The following DISC1 variants were observed in gnomAD, a reference collection of about 807,000 sequenced individuals.
DISC1 encodes the protein DISC1 scaffold protein.
A neutral mutation model predicts 84.5 loss-of-function variants in DISC1; 57 were observed. That is an observed-to-expected ratio of 0.67 (90% confidence interval 0.55 to 0.84). The LOEUF (loss-of-function observed/expected upper bound fraction) is 0.84, where lower values mean the gene tolerates loss of function less well. Among genes scored for constraint, DISC1 ranks in the 40% least tolerant of loss-of-function variants. The pLI, the probability that DISC1 is intolerant of heterozygous loss-of-function variation, is 0.00. For missense variants in DISC1, 1,000 were observed against 1,057.8 expected, an observed-to-expected ratio of 0.95 and a Z score of 0.76; for synonymous variants, 411 against 415.2, an observed-to-expected ratio of 0.99 and a Z score of 0.12.
rs1253867037 is a variant in DISC1 at position 231,654,323 on chromosome 1, T to TA, written c.67+27392dup. On this transcript the variant is annotated intron_variant, in intron 1 of 12. Transcript: ENST00000439617. ...ATTTGATAGGATTCTGTTTTTTTTTTAAATTAATTACTTTTATTTTTGACA... is the reference window on the plus strand; with the variant it reads ...ATTTGATAGGATTCTGTTTTTTTTTTAAAATTAATTACTTTTATTTTTGACA... Among the ~76,000 whole-genome samples, 5 of 152,120 alleles carry TA rather than the reference T, an allele frequency of 3.3e-5. No homozygotes were observed. In the East Asian group the frequency reaches 7.7e-4, roughly 24 times the overall value.
intron 4 of DISC1, among the ~76,000 whole-genome samples, chr1:231,763,407 T>C (rs1041753824): frequency 2.6e-5 from 4 of 152,222 alleles, no homozygotes; most frequent in African/African-American, 9.6e-5. Flanking sequence ...ACATTTTTCT[T>C]GATGCTGCTA....
At chr1:231,759,551 A>AAAAC (rs2075457158) in intron 4 of DISC1, among the ~76,000 whole-genome samples, 2 of 139,658 alleles carry the variant, frequency 1.4e-5, no homozygotes, top group Non-Finnish European at 3.0e-5. Context: ...AAAAAAAAAA[A>AAAAC]CAAAACTAGC....
intron 9 of DISC1, among the ~76,000 whole-genome samples, chr1:231,952,690 TTTA>T (rs1658658842): frequency 1.6e-5 from 2 of 122,658 alleles, no homozygotes; most frequent in Admixed American, 8.4e-5. Context: ...TATATATATG[TTTA>T]TATATATATA....
At chr1:231,811,236 T>A (rs1035322567) in intron 8 of DISC1, among the ~76,000 whole-genome samples, 3 of 151,988 alleles carry the variant, frequency 2.0e-5, no homozygotes, top group African/African-American at 7.3e-5. Flanking sequence ...TGACAGAAAA[T>A]GGCAAATTCT....
intron 3 of DISC1, among the ~76,000 whole-genome samples, chr1:231,747,898 C>T (rs907640792): frequency 9.9e-5 from 15 of 152,098 alleles, no homozygotes; most frequent in African/African-American, 3.6e-4. Context: ...TTTGTATCCT[C>T]TTCAATTTCT....
chr1:231,984,882 G>A (rs1350589763), intron 10 of DISC1, among the ~76,000 whole-genome samples: 9 of 152,080 alleles, frequency 5.9e-5, no homozygotes, highest in Non-Finnish European at 5.9e-5. Context: ...ACTGAACGGG[G>A]TTTGAGGAAA....
intron 7 of DISC1, among the ~76,000 whole-genome samples, chr1:231,797,529 G>A (rs1414183449): frequency 1.3e-5 from 2 of 152,102 alleles, no homozygotes; most frequent in South Asian, 2.1e-4. Flanking sequence ...TTGTATTCCT[G>A]CATGGAAGAA....
At chr1:231,676,995 T>C (rs1572764580) in intron 1 of DISC1, among the ~76,000 whole-genome samples, 1 of 152,350 alleles carries the variant, frequency 6.6e-6, no homozygotes, top group East Asian at 1.9e-4. Flanking sequence ...CTTTTCCCCT[T>C]AACCTCTTCC....
At position 232,026,523 on chromosome 1, in the gene DISC1, C is replaced by G. The variant is rs1319078490; in HGVS notation, c.2396C>G (p.Ala799Gly). Residue 799 changes from alanine (A) to glycine (G), a missense_variant, in exon 12 of 13, where the codon GCA becomes GGA. Ala to Gly is a moderately conservative substitution (Grantham distance 60). Transcript: ENST00000439617. ...LLYLEDQLHT[A>G]IHSHDEDLIQ... The stretch of plus-strand genomic sequence containing the variant: ...TACTTGGAAGATCAACTTCACACAG[C>G]AATCCACAGTCATGATGAAGATCTC... 1 of 1,606,102 alleles carries G rather than the reference C, an allele frequency of 6.2e-7. No individual in the cohort carries two copies. The highest frequency in any genetic ancestry group is 8.5e-7 in the Non-Finnish European group (1 of 1,175,916).
intron 7 of DISC1, among the ~76,000 whole-genome samples, chr1:231,798,975 TA>T (rs1443771274): frequency 6.6e-6 from 1 of 152,022 alleles, no homozygotes; most frequent in Non-Finnish European, 1.5e-5. Flanking sequence ...TCTGGGAAAT[TA>T]AATTTTTCTA....
intron 8 of DISC1, among the ~76,000 whole-genome samples, chr1:231,805,642 A>C (rs2079646639): frequency 6.6e-6 from 1 of 152,248 alleles, no homozygotes; most frequent in African/African-American, 2.4e-5. Flanking sequence ...CATTAATGAG[A>C]AACTGCCCCT....
chr1:231,750,180 C>T, intron 4 of DISC1, 104 bp downstream of exon 4: 1 of 1,486,544 alleles, frequency 6.7e-7, no homozygotes, highest in Non-Finnish European at 8.9e-7. Context: ...AGACCCTTGG[C>T]TGCCTTTCCT....
At chr1:231,770,410 G>A (rs1380501447) in intron 5 of DISC1, among the ~76,000 whole-genome samples, 2 of 152,060 alleles carry the variant, frequency 1.3e-5, no homozygotes, top group Non-Finnish European at 2.9e-5. Context: ...CTGAATTCTT[G>A]TGTTTGGGGA....
At chr1:231,920,905 AT>A (rs34325068) in intron 9 of DISC1, among the ~76,000 whole-genome samples, 55,852 of 112,430 alleles carry the variant, frequency 0.5, 11,885 homozygotes, top group Non-Finnish European at 0.54. Context: ...CTGAACTGCT[AT>A]TTTTTTTTTT....
At chr1:232,010,959 AT>A (rs1484857282) in intron 11 of DISC1, among the ~76,000 whole-genome samples, 4 of 152,284 alleles carry the variant, frequency 2.6e-5, no homozygotes, top group African/African-American at 9.6e-5. Context: ...TCAGGAAAGA[AT>A]GGCTGCAGAA....
intron 3 of DISC1, among the ~76,000 whole-genome samples, chr1:231,726,414 G>T (rs1407790445): frequency 6.6e-6 from 1 of 152,162 alleles, no homozygotes; most frequent in Non-Finnish European, 1.5e-5. Flanking sequence ...CAGAGCAAAT[G>T]AGTGCTGCCC....
intron 12 of DISC1, among the ~76,000 whole-genome samples, chr1:232,030,035 C>G (rs1035745853): frequency 6.6e-6 from 1 of 152,192 alleles, no homozygotes; most frequent in African/African-American, 2.4e-5. Context: ...CAACACAAAC[C>G]CATCAGCTAC....
intron 9 of DISC1, among the ~76,000 whole-genome samples, chr1:231,926,451 C>CA (rs1174932735): frequency 8.5e-5 from 13 of 152,198 alleles, no homozygotes; most frequent in Non-Finnish European, 1.0e-4. Context: ...AGGCTCTTCC[C>CA]AGAAGCCTGT....
intron 9 of DISC1, among the ~76,000 whole-genome samples, chr1:231,877,400 A>C (rs1357016904): frequency 6.6e-6 from 1 of 152,390 alleles, no homozygotes; most frequent in South Asian, 2.1e-4. Flanking sequence ...CAATGGGACT[A>C]TAACTTACCT....
Sources: gnomAD v4.1 joint callset for allele counts (sites outside exome capture counted in the v4.1 genomes callset) on GRCh38, gnomAD v4.1.1 for gene constraint, MANE v1.5 for transcripts, NCBI Gene and HGNC (gene_info 2026-07-23, HGNC 2026-07-21) for gene names.